The following PCDHGB4 variants were observed in gnomAD, a reference collection of about 807,000 sequenced individuals.
The protein encoded by PCDHGB4 is protocadherin gamma-B4.
A neutral mutation model predicts 60.5 loss-of-function variants in PCDHGB4; 38 were observed. That is an observed-to-expected ratio of 0.63 (90% CI 0.48 to 0.82). PCDHGB4 has a LOEUF of 0.82. Ranked by LOEUF, PCDHGB4 falls within the 40% of genes least tolerant of loss-of-function variation. The pLI is 0.00. For synonymous variants in PCDHGB4, 456 were observed against 509.7 expected (o/e 0.89, Z 1.42); for missense variants, 1,109 against 1,209.6 (o/e 0.92, Z 1.23).
intron 1 of PCDHGB4, chr5:141,427,677 C>G: frequency 1.2e-6 from 1 of 816,672 alleles, no homozygotes; most frequent in Non-Finnish European, 2.1e-6. Context: ...AAACAACCTT[C>G]CCGGAGCCTC....
Position 141,476,696 on chromosome 5 carries a change from G to T in PCDHGB4, c.2398-18111G>T, listed in dbSNP as rs750429892. ...GACGCGGGAGGACAGCACCAAGTAC[G>T]CGGAGCTGGTGTTGGAGCGCGCCCT... On this transcript the variant is annotated intron_variant, in intron 1 of 3. Transcript: ENST00000519479. This position sits in a 1 kb window ranked among gnomAD's most constrained non-coding sequence, Gnocchi z 7.6. 3 of 1,614,102 alleles carry T rather than the reference G, an allele frequency of 1.9e-6. No individual in the cohort carries two copies. The highest frequency in any genetic ancestry group is 2.5e-6 in the Non-Finnish European group (3 of 1,180,050).
At chr5:141,434,515 G>A (rs1032584764) in intron 1 of PCDHGB4, among the ~76,000 whole-genome samples, 1 of 152,296 alleles carries the variant, frequency 6.6e-6, no homozygotes, top group African/African-American at 2.4e-5. Context: ...CTGCTTAAAG[G>A]TGTTCTTAAA....
chr5:141,476,271 C>T lies in PCDHGB4; in HGVS notation c.2398-18536C>T. Reference sequence around the variant, plus strand: ...GGTTTCGCTGTGGGCAACGTGGTCGCGAACCTTGGTTTGGATCTCGGTAGC... The same window carrying T: ...GGTTTCGCTGTGGGCAACGTGGTCGTGAACCTTGGTTTGGATCTCGGTAGC... On this transcript the variant is annotated intron_variant, in intron 1 of 3. Coordinates refer to ENST00000519479, the MANE Select transcript of PCDHGB4 (RefSeq NM_003736.4). This position sits in a 1 kb window ranked among gnomAD's most constrained non-coding sequence, Gnocchi z 7.6. 4 of 1,613,892 alleles carry T rather than the reference C, an allele frequency of 2.5e-6. No homozygotes were observed. The highest frequency in any genetic ancestry group is 3.4e-6 in the Non-Finnish European group (4 of 1,179,974).
intron 1 of PCDHGB4, among the ~76,000 whole-genome samples, chr5:141,462,288 G>A (rs1239615759): frequency 3.9e-5 from 6 of 152,196 alleles, no homozygotes; most frequent in Non-Finnish European, 7.3e-5. Flanking sequence ...CACCAAATAT[G>A]TAAGTATTAC....
In PCDHGB4 at chr5:141,423,740, GA is replaced by G. The variant is rs778655137; in HGVS notation, c.2397+33463del. 7 of 698,952 alleles carry G rather than the reference GA, an allele frequency of 1.0e-5. No individual in the cohort carries two copies. The African/African-American group carries it at 1.9e-4, about 19-fold the overall frequency. The allele number at this position is 698,952 out of a possible 1,614,324, so 43.3% of individuals were successfully genotyped here. ...AGGAGATGTTTTTTGAGCCTGTTAT[GA>G]AAACTGTTTGGGGGGGGGGTGGGGC... On this transcript the variant is annotated intron_variant, in intron 1 of 3. Coordinates refer to ENST00000519479, the MANE Select transcript of PCDHGB4 (RefSeq NM_003736.4).
In PCDHGB4 at chr5:141,485,804, G is replaced by C; in HGVS notation, c.2398-9003G>C. 6.2e-7 allele frequency: 1 copy of C among 1,614,218 alleles called. No homozygotes were observed. The highest frequency in any genetic ancestry group is 1.3e-5 in the African/African-American group (1 of 75,060). The stretch of plus-strand genomic sequence containing the variant: ...AGAGAAGCAATCGGACTACCGCCTG[G>C]TGCTGACTGCTGTCGATGGAGGGAA... On this transcript the variant is annotated intron_variant, in intron 1 of 3. Coordinates refer to ENST00000519479, the MANE Select transcript of PCDHGB4 (RefSeq NM_003736.4). This position sits in a 1 kb window ranked among gnomAD's most constrained non-coding sequence, Gnocchi z 5.7.
chr5:141,410,019 A>C, intron 1 of PCDHGB4: 2 of 1,613,204 alleles, frequency 1.2e-6, no homozygotes, highest in African/African-American at 2.7e-5. Context: ...TGGCTGTCCT[A>C]CCACGTGCTG....
At chr5:141,403,789 C>G (rs1230029917) in intron 1 of PCDHGB4, 1 of 1,613,864 alleles carries the variant, frequency 6.2e-7, no homozygotes. Context: ...AAGTGGCATA[C>G]AAATTCTGGA....
intron 3 of PCDHGB4, 79 bp downstream of exon 3, chr5:141,505,560 G>A: frequency 6.2e-7 from 1 of 1,604,768 alleles, no homozygotes; most frequent in South Asian, 1.1e-5. Context: ...CATGCCCACG[G>A]ACTGGATGTC....
At position 141,489,068 on chromosome 5, in the gene PCDHGB4, G is replaced by GGCCCC; in HGVS notation, c.2398-5739_2398-5738insGCCCC. On this transcript the variant is annotated intron_variant, in intron 1 of 3. Coordinates refer to ENST00000519479, the MANE Select transcript of PCDHGB4 (RefSeq NM_003736.4). This position sits in a 1 kb window ranked among gnomAD's most constrained non-coding sequence, Gnocchi z 4.5. ...CTCAAATTCAGCTCCCCTCCCCCCT[G>GGCCCC]CCCACCCCCGCCACTCGGTGACTAA... 3.4e-6 allele frequency: 1 copy of GGCCCC among 291,558 alleles called. No individual in the cohort carries two copies. 18.1% of individuals were successfully genotyped at this position (291,558 alleles called of 1,614,324 possible). A position where few individuals can be genotyped will look rare whatever the true frequency, so the allele number is the denominator to read the frequency against.
chr5:141,414,139 G>A (rs1245110230), intron 1 of PCDHGB4: 6 of 1,596,386 alleles, frequency 3.8e-6, no homozygotes, highest in African/African-American at 1.3e-5. Context: ...CTATGAAATA[G>A]AAATACAAGC....
chr5:141,432,586 C>G lies in PCDHGB4; in HGVS notation c.2397+42305C>G. 6.2e-7 allele frequency: 1 copy of G among 1,613,852 alleles called. No homozygotes were observed. The highest frequency in any genetic ancestry group is 8.5e-7 in the Non-Finnish European group (1 of 1,179,972). On this transcript the variant is annotated intron_variant, in intron 1 of 3. Transcript: ENST00000519479. The surrounding 1 kb of genome is among the most constrained non-coding windows in gnomAD (Gnocchi z 6.0). ...ACGCCTGGCTGTCCTACCGTCTGCT[C>G]AAGGCCAGCGAGCCGGGACTCTTCT...
chr5:141,490,143 A>G lies in PCDHGB4; in HGVS notation c.2398-4664A>G. On this transcript the variant is annotated intron_variant, in intron 1 of 3. Transcript: ENST00000519479. The surrounding 1 kb of genome is among the most constrained non-coding windows in gnomAD (Gnocchi z 5.4). ...TTGGCCTAGACCCTAGCAGTGGGGC[A>G]ATCCATGTGTTGGGTCCCATAGACT... is the stretch of plus-strand genomic sequence containing the variant. 1 of 1,614,234 alleles carries G rather than the reference A, an allele frequency of 6.2e-7. No homozygotes were observed. The highest frequency in any genetic ancestry group is 8.5e-7 in the Non-Finnish European group (1 of 1,180,034).
At position 141,477,539 on chromosome 5, in the gene PCDHGB4, C is replaced by G; in HGVS notation, c.2398-17268C>G. 2 of 1,614,172 alleles carry G rather than the reference C, an allele frequency of 1.2e-6. No individual in the cohort carries two copies. The highest frequency in any genetic ancestry group is 1.7e-6 in the Non-Finnish European group (2 of 1,180,030). On this transcript the variant is annotated intron_variant, in intron 1 of 3. Transcript: ENST00000519479. The surrounding 1 kb of genome is among the most constrained non-coding windows in gnomAD (Gnocchi z 4.9). ...TGAAGAAAACAACCTCCCCGGGGCT[C>G]CAATACTAAACCTAAGTGTCTGGGA...
At chr5:141,481,191 C>A (rs1244434918) in intron 1 of PCDHGB4, among the ~76,000 whole-genome samples, 1 of 152,148 alleles carries the variant, frequency 6.6e-6, no homozygotes, top group Non-Finnish European at 1.5e-5. Context: ...GGGCCAGGCC[C>A]AATTTTTTTA....
In PCDHGB4 at chr5:141,462,600, A is replaced by G. The variant is rs2154567827; in HGVS notation, c.2398-32207A>G. ...ATCCAGTGAAGTTTCCATTTCATAT[A>G]TTGTATTTTTCACTTTTAGAAGTTC... is the stretch of plus-strand genomic sequence containing the variant. On this transcript the variant is annotated intron_variant, in intron 1 of 3. Coordinates refer to ENST00000519479, the MANE Select transcript of PCDHGB4 (RefSeq NM_003736.4). Among the ~76,000 whole-genome samples, 6 of 152,076 alleles carry G rather than the reference A, an allele frequency of 3.9e-5. No homozygotes were observed. In the Middle Eastern group the frequency reaches 0.014, roughly 345 times the overall value.
In PCDHGB4 at chr5:141,417,886, C is replaced by G. The variant is rs1330007520; in HGVS notation, c.2397+27605C>G. Reference sequence around the variant, plus strand: ...TGGGAGGGAGCTGCGCGCAGAGGCGCCGGGCCGGCCCGCGGCAGGTACTAT... The same window carrying G: ...TGGGAGGGAGCTGCGCGCAGAGGCGGCGGGCCGGCCCGCGGCAGGTACTAT... On this transcript the variant is annotated intron_variant, in intron 1 of 3. Transcript: ENST00000519479. The G allele has an allele frequency of 9.0e-6, 14 of 1,563,624 alleles. No individual in the cohort carries two copies. The African/African-American group carries it at 1.9e-4, about 21-fold the overall frequency.
At chr5:141,409,334 G>A (rs767579166) in intron 1 of PCDHGB4, 1 of 1,613,974 alleles carries the variant, frequency 6.2e-7, no homozygotes, top group South Asian at 1.1e-5. Flanking sequence ...GGATTTCGGA[G>A]GAAATGGAGA....
intron 1 of PCDHGB4, among the ~76,000 whole-genome samples, chr5:141,483,679 CAGAA>C (rs1470395939): frequency 6.7e-6 from 1 of 149,028 alleles, no homozygotes; most frequent in Non-Finnish European, 1.5e-5. Flanking sequence ...TAAAAGAACA[CAGAA>C]AGCCAGATTC....
Sources: gnomAD v4.1 joint callset for allele counts (sites outside exome capture counted in the v4.1 genomes callset) on GRCh38, gnomAD v4.1.1 for gene constraint, Gnocchi (gnomAD v3.1) non-coding constraint, MANE v1.5 for transcripts, NCBI Gene and HGNC (gene_info 2026-07-23, HGNC 2026-07-21) for gene names.